FHIP1A: variants seen among roughly 807,000 people sequenced by gnomAD.
The protein encoded by FHIP1A is FHF complex subunit HOOK interacting protein 1A.
FHIP1A carries 61 observed loss-of-function variants against 88.6 expected under a neutral mutation model. That is an observed-to-expected ratio of 0.69 (90% confidence interval 0.56 to 0.85). The LOEUF is 0.85. Ranked by LOEUF, FHIP1A falls within the 40% of genes least tolerant of loss-of-function variation. FHIP1A has a pLI of 0.00. For synonymous variants in FHIP1A, 478 were observed against 496.0 expected, an observed-to-expected ratio of 0.96 and a Z score of 0.48; for missense variants, 1,154 against 1,273.5, an observed-to-expected ratio of 0.91 and a Z score of 1.43.
At chr4:151,426,118 G>A (rs1294463130) in intron 1 of FHIP1A, among the ~76,000 whole-genome samples, 1 of 152,040 alleles carries the variant, frequency 6.6e-6, no homozygotes, top group Non-Finnish European at 1.5e-5. Flanking sequence ...GGCGGAGAGA[G>A]GAAATGGAAG....
chr4:151,635,415 T>G (rs982682460), intron 8 of FHIP1A, among the ~76,000 whole-genome samples: 2 of 151,912 alleles, frequency 1.3e-5, no homozygotes, highest in African/African-American at 2.4e-5. Flanking sequence ...TGAACAGATA[T>G]TTGTACACCC....
intron 3 of FHIP1A, among the ~76,000 whole-genome samples, chr4:151,486,808 A>G (rs2126641333): frequency 6.6e-6 from 1 of 152,100 alleles, no homozygotes; most frequent in Middle Eastern, 3.4e-3. Flanking sequence ...CTTTACTAAA[A>G]ATACAAAAAT....
Position 151,486,356 on chromosome 4 carries a change from T to G in FHIP1A, c.-123+3708T>G, listed in dbSNP as rs188701401. Among the ~76,000 whole-genome samples the G allele has an allele frequency of 1.1e-4, 17 of 152,296 alleles. No individual in the cohort carries two copies. The East Asian group carries it at 2.5e-3, about 23-fold the overall frequency. ...TACGGGTTCTCAAACTGTGTGCACA[T>G]GAATCATCTGGTAAGCTTATTTTAG... On this transcript the variant is annotated intron_variant, in intron 3 of 13. Transcript: ENST00000435205.
chr4:151,598,967 C>T (rs1183636233), intron 7 of FHIP1A, among the ~76,000 whole-genome samples: 1 of 152,204 alleles, frequency 6.6e-6, no homozygotes, highest in African/African-American at 2.4e-5. Flanking sequence ...ATTATAGGTG[C>T]TGCCCCCAGC....
intron 4 of FHIP1A, among the ~76,000 whole-genome samples, chr4:151,572,585 G>A (rs1021203002): frequency 6.6e-6 from 1 of 152,216 alleles, no homozygotes; most frequent in Non-Finnish European, 1.5e-5. Flanking sequence ...GGAAACTTTT[G>A]TGTAGTTATT....
At chr4:151,533,316 TAGGCGGG>T (rs1731949897) in intron 3 of FHIP1A, among the ~76,000 whole-genome samples, 1 of 151,992 alleles carries the variant, frequency 6.6e-6, no homozygotes, top group Non-Finnish European at 1.5e-5. Context: ...GGGGGGCACC[TAGGCGGG>T]AGGATTGCTT....
At chr4:151,556,727 A>G (rs1732960730) in intron 3 of FHIP1A, among the ~76,000 whole-genome samples, 1 of 152,150 alleles carries the variant, frequency 6.6e-6, no homozygotes, top group Non-Finnish European at 1.5e-5. Context: ...GAGAGGGAAG[A>G]CAATCATTTA....
intron 7 of FHIP1A, among the ~76,000 whole-genome samples, chr4:151,619,445 T>C (rs1399213920): frequency 6.6e-6 from 1 of 152,222 alleles, no homozygotes; most frequent in Non-Finnish European, 1.5e-5. Flanking sequence ...CAATTTAAAG[T>C]TGAATAAAAT....
At chr4:151,423,175 A>C (rs1208475182) in intron 1 of FHIP1A, among the ~76,000 whole-genome samples, 4 of 152,156 alleles carry the variant, frequency 2.6e-5, no homozygotes, top group African/African-American at 9.7e-5. Context: ...AGTAGTCTTA[A>C]ATATTCATTC....
intron 9 of FHIP1A, among the ~76,000 whole-genome samples, chr4:151,644,334 GAGA>G (rs1001932132): frequency 1.3e-5 from 2 of 151,438 alleles, no homozygotes; most frequent in African/African-American, 4.9e-5. Context: ...ATCACCAAGT[GAGA>G]AATCTTTTTT....
At chr4:151,442,872 C>G (rs1221422294) in intron 1 of FHIP1A, among the ~76,000 whole-genome samples, 2 of 152,014 alleles carry the variant, frequency 1.3e-5, no homozygotes, top group South Asian at 2.1e-4. Context: ...TATTAAATTT[C>G]TATTTTGCCG....
chr4:151,549,489 TAAAAAAAAAA>T (rs57072592), intron 3 of FHIP1A, among the ~76,000 whole-genome samples: 2 of 112,720 alleles, frequency 1.8e-5, no homozygotes, highest in African/African-American at 6.8e-5. Flanking sequence ...AGACTCTGTC[TAAAAAAAAAA>T]AAAAAAAAAA....
intron 1 of FHIP1A, among the ~76,000 whole-genome samples, chr4:151,447,139 G>A (rs925482882): frequency 1.3e-5 from 2 of 152,034 alleles, no homozygotes; most frequent in East Asian, 1.9e-4. Context: ...AAATATTTGC[G>A]TATTTCACCA....
chr4:151,578,157 C>CT (rs1156271913), intron 5 of FHIP1A, 81 bp downstream of exon 5: 3 of 1,286,256 alleles, frequency 2.3e-6, no homozygotes, highest in Non-Finnish European at 3.2e-6. Flanking sequence ...TTCTTACTCC[C>CT]TTTTTTTCTC....
chr4:151,612,583 T>C (rs1735366292), intron 7 of FHIP1A, among the ~76,000 whole-genome samples: 1 of 152,254 alleles, frequency 6.6e-6, no homozygotes, highest in Non-Finnish European at 1.5e-5. Flanking sequence ...GGTTTCACCT[T>C]GTTGACCAGG....
intron 3 of FHIP1A, among the ~76,000 whole-genome samples, chr4:151,543,140 AT>A (rs763060677): frequency 5.9e-5 from 9 of 152,204 alleles, no homozygotes; most frequent in Non-Finnish European, 1.0e-4. Flanking sequence ...CTGGTACCCC[AT>A]TTTATAGATG....
intron 2 of FHIP1A, among the ~76,000 whole-genome samples, chr4:151,471,920 C>T (rs185651309): frequency 1.3e-5 from 2 of 152,308 alleles, no homozygotes; most frequent in African/African-American, 2.4e-5. Context: ...TCTCCAGTCT[C>T]ATCCAGACTG....
At chr4:151,523,658 CTG>C (rs1228905987) in intron 3 of FHIP1A, among the ~76,000 whole-genome samples, 1 of 152,176 alleles carries the variant, frequency 6.6e-6, no homozygotes, top group Non-Finnish European at 1.5e-5. Context: ...AGAGGTTAGA[CTG>C]TGGTGGATTA....
chr4:151,594,232 G>A (rs1396067680), intron 7 of FHIP1A, among the ~76,000 whole-genome samples: 1 of 152,148 alleles, frequency 6.6e-6, no homozygotes, highest in Non-Finnish European at 1.5e-5. Flanking sequence ...CCAGGTTTTG[G>A]TATCAGGATG....
Sources: gnomAD v4.1 joint callset for allele counts (sites outside exome capture counted in the v4.1 genomes callset) on GRCh38, gnomAD v4.1.1 for gene constraint, MANE v1.5 for transcripts, NCBI Gene and HGNC (gene_info 2026-07-23, HGNC 2026-07-21) for gene names.